GRID1: variants seen among roughly 807,000 people sequenced by gnomAD.
The protein encoded by GRID1 is glutamate receptor ionotropic, delta-1.
A neutral mutation model predicts 98.0 loss-of-function variants in GRID1; 28 were observed. The ratio of observed to expected loss-of-function variants is 0.29; its 90% CI spans 0.21 to 0.39. GRID1 has a LOEUF of 0.39. Among genes scored for constraint, GRID1 ranks in the 10% least tolerant of loss-of-function variants. The pLI is 1.00. For missense variants in GRID1, 1,111 were observed against 1,340.5 expected, an observed-to-expected ratio of 0.83 and a Z score of 2.67; for synonymous variants, 553 against 538.5, an observed-to-expected ratio of 1.03 and a Z score of -0.37.
intron 2 of GRID1, among the ~76,000 whole-genome samples, chr10:86,290,583 G>T (rs930999812): frequency 3.9e-5 from 6 of 152,088 alleles, no homozygotes; most frequent in African/African-American, 1.4e-4. Flanking sequence ...AACCCAGGAG[G>T]CAGAGGTTTC....
At chr10:86,077,442 C>T (rs1761043874) in intron 4 of GRID1, among the ~76,000 whole-genome samples, 1 of 152,150 alleles carries the variant, frequency 6.6e-6, no homozygotes, top group Non-Finnish European at 1.5e-5. Flanking sequence ...CACCTTTGCA[C>T]ACCCCATTAT....
chr10:86,168,854 C>T (rs1223572375), intron 3 of GRID1, among the ~76,000 whole-genome samples: 1 of 152,198 alleles, frequency 6.6e-6, no homozygotes, highest in Non-Finnish European at 1.5e-5. Context: ...AGGCAAGGGG[C>T]ACAGGTGACA....
In GRID1 at chr10:85,869,091, G is replaced by A. The variant is rs549856555; in HGVS notation, c.870C>T (p.Asp290=). Residue 290 remains aspartate, a synonymous_variant, in exon 6 of 16, where the codon GAC becomes GAT. Transcript: ENST00000327946. ...VVRQIFPSAK[D]NQKCTRNNHR... The stretch of plus-strand genomic sequence containing the variant: ...GGTTGTTCCTCGTGCATTTCTGATT[G>A]TCCTTTGCAGACGGAAAGATTTGCC... 1 of 1,613,990 alleles carries A rather than the reference G, an allele frequency of 6.2e-7. No homozygotes were observed. Among genetic ancestry groups the A allele is most frequent in the East Asian group, 2.2e-5 (1 of 44,872 alleles).
chr10:86,196,908 G>A (rs1468951459), intron 3 of GRID1, among the ~76,000 whole-genome samples: 6 of 151,662 alleles, frequency 4.0e-5, no homozygotes, highest in African/African-American at 1.4e-4. Flanking sequence ...AGAAACAAAT[G>A]CTTCTGGGCC....
intron 3 of GRID1, among the ~76,000 whole-genome samples, chr10:86,168,204 C>T (rs910340608): frequency 6.6e-6 from 1 of 152,182 alleles, no homozygotes; most frequent in Admixed American, 6.5e-5. Context: ...CGTGGACCTT[C>T]GAGTCTAAGG....
intron 2 of GRID1, among the ~76,000 whole-genome samples, chr10:86,232,314 T>C (rs1564713794): frequency 6.6e-6 from 1 of 152,194 alleles, no homozygotes; most frequent in African/African-American, 2.4e-5. Flanking sequence ...CAGGAACTGA[T>C]ACACTGAGGG....
In GRID1 at chr10:86,309,003, T is replaced by C. The variant is rs527406248; in HGVS notation, c.235+54938A>G. On this transcript the variant is annotated intron_variant, in intron 2 of 15. Coordinates refer to ENST00000327946, the MANE Select transcript of GRID1 (RefSeq NM_017551.3). ...CGTTTTGGAGAGGACACTCAAACCA[T>C]AGCAGATGGTTTCTAAAAATATATT... Among the ~76,000 whole-genome samples the C allele has an allele frequency of 3.9e-5, 6 of 152,350 alleles. No individual in the cohort carries two copies. The South Asian group carries it at 1.2e-3, about 32-fold the overall frequency.
intron 2 of GRID1, among the ~76,000 whole-genome samples, chr10:86,214,804 G>A (rs563360480): frequency 9.2e-5 from 14 of 152,322 alleles, no homozygotes; most frequent in Non-Finnish European, 8.8e-5. Flanking sequence ...AGGAGGCGGA[G>A]GTTGCAGTAA....
rs986222160 is a variant in GRID1, at chr10:85,841,571, T to G, written c.1233+12925A>C. ...CAACCTACAGAATGAGATAAAATTTTTGCAAACTATGCATCTCACAAAGGC... is the reference window on the plus strand; with the variant it reads ...CAACCTACAGAATGAGATAAAATTTGTGCAAACTATGCATCTCACAAAGGC... On this transcript the variant is annotated intron_variant, in intron 8 of 15. Transcript: ENST00000327946. Among the ~76,000 whole-genome samples the G allele has an allele frequency of 3.9e-5, 6 of 152,154 alleles. No individual in the cohort carries two copies. In the East Asian group the frequency reaches 1.2e-3, roughly 29 times the overall value.
At chr10:85,719,833 A>G (rs188155633) in intron 12 of GRID1, among the ~76,000 whole-genome samples, 3 of 152,362 alleles carry the variant, frequency 2.0e-5, no homozygotes, top group Admixed American at 1.3e-4. Flanking sequence ...AAATGTAAAA[A>G]TATAAAAATG....
At chr10:86,359,346 G>T (rs1848573372) in intron 2 of GRID1, among the ~76,000 whole-genome samples, 2 of 152,206 alleles carry the variant, frequency 1.3e-5, no homozygotes, top group Non-Finnish European at 2.9e-5. Context: ...AGCCATCAGA[G>T]CTAGGGATGG....
intron 8 of GRID1, among the ~76,000 whole-genome samples, chr10:85,775,350 T>A (rs1262578045): frequency 6.7e-6 from 1 of 149,744 alleles, no homozygotes; most frequent in Non-Finnish European, 1.5e-5. Flanking sequence ...GGAGGAGGGA[T>A]AGCTTTAGGA....
chr10:85,832,311 G>A (rs1842873783), intron 8 of GRID1, among the ~76,000 whole-genome samples: 1 of 151,910 alleles, frequency 6.6e-6, no homozygotes, highest in Non-Finnish European at 1.5e-5. Context: ...CATTATAAGA[G>A]CCCCAGCATT....
In GRID1 at chr10:85,724,386, G is replaced by A; in HGVS notation, c.1824C>T (p.Ala608=). 1 of 1,614,062 alleles carries A rather than the reference G, an allele frequency of 6.2e-7. No individual in the cohort carries two copies. The highest frequency in any genetic ancestry group is 8.5e-7 in the Non-Finnish European group (1 of 1,179,986). The change falls in exon 11 of 16, where the codon GCC becomes GCT. Residue 608 remains alanine (A), a synonymous_variant. Coordinates refer to ENST00000327946, the MANE Select transcript of GRID1 (RefSeq NM_017551.3). The stretch of plus-strand genomic sequence containing the variant: ...CGAAGGCTCCATAGACAATCCAGAT[G>A]GCGCTGTGCAGAGTGGCAGAAGCTG... The part of the protein sequence containing the change: ...RPSASATLHS[A]IWIVYGAFVQ...
At chr10:85,980,502 C>T (rs569469665) in intron 4 of GRID1, among the ~76,000 whole-genome samples, 108 of 152,334 alleles carry the variant, frequency 7.1e-4, no homozygotes, top group African/African-American at 2.4e-3. Flanking sequence ...AGCTCTCAAC[C>T]GCAAATTTCT....
intron 12 of GRID1, among the ~76,000 whole-genome samples, chr10:85,722,053 T>G (rs934417751): frequency 2.6e-5 from 4 of 152,200 alleles, no homozygotes; most frequent in African/African-American, 9.7e-5. Context: ...AATAAAAATG[T>G]CAATTTAATA....
chr10:86,013,855 G>C (rs561483114), intron 4 of GRID1, among the ~76,000 whole-genome samples: 1 of 152,318 alleles, frequency 6.6e-6, no homozygotes, highest in South Asian at 2.1e-4. Flanking sequence ...GTATGAACCT[G>C]CAAAACTTAG....
chr10:85,963,151 T>G (rs565147985), intron 4 of GRID1, among the ~76,000 whole-genome samples: 1 of 152,164 alleles, frequency 6.6e-6, no homozygotes, highest in Non-Finnish European at 1.5e-5. Flanking sequence ...CTGGAGGCAG[T>G]TGAAACTTAG....
chr10:86,171,944 TTTAA>T (rs1217901643), intron 3 of GRID1, among the ~76,000 whole-genome samples: 3 of 152,190 alleles, frequency 2.0e-5, no homozygotes, highest in Admixed American at 6.5e-5. Flanking sequence ...CAGTTTTTCA[TTTAA>T]TCCTTAACTC....
Sources: allele counts gnomAD v4.1 joint callset (sites outside exome capture counted in the v4.1 genomes callset), GRCh38; gene constraint gnomAD v4.1.1; transcripts MANE v1.5; gene names NCBI Gene and HGNC (gene_info 2026-07-23, HGNC 2026-07-21).